Variants in SLC35A1 observed in about 807,000 individuals in gnomAD.
SLC35A1 encodes CMP-sialic acid transporter.
SLC35A1 carries 21 observed loss-of-function variants against 40.3 expected under a neutral mutation model. The ratio of observed to expected loss-of-function variants is 0.52; its 90% CI spans 0.37 to 0.75. The LOEUF (loss-of-function observed/expected upper bound fraction) is 0.75. Among genes scored for constraint, SLC35A1 ranks in the 30% least tolerant of loss-of-function variants. SLC35A1 has a pLI of 0.00. For synonymous variants in SLC35A1, 146 were observed against 147.3 expected, an observed-to-expected ratio of 0.99 and a Z score of 0.06; for missense variants, 297 against 382.1, an observed-to-expected ratio of 0.78 and a Z score of 1.86.
intron 2 of SLC35A1, among the ~76,000 whole-genome samples, chr6:87,481,544 A>G (rs1769244641): frequency 6.6e-6 from 1 of 152,200 alleles, no homozygotes; most frequent in African/African-American, 2.4e-5. Context: ...GACCAAAGAA[A>G]GCCAAACACC....
intron 2 of SLC35A1, among the ~76,000 whole-genome samples, chr6:87,489,611 G>A (rs188507440): frequency 4.2e-5 from 6 of 143,124 alleles, no homozygotes; most frequent in Admixed American, 7.5e-5. Flanking sequence ...GCGCAATCTC[G>A]GCTTACTGCA....
At chr6:87,475,676 A>T (rs1769049902) in intron 1 of SLC35A1, among the ~76,000 whole-genome samples, 1 of 152,214 alleles carries the variant, frequency 6.6e-6, no homozygotes, top group Non-Finnish European at 1.5e-5. Context: ...AGATCCAACC[A>T]TACTGTATCT....
chr6:87,489,902 A>G (rs981035282), intron 2 of SLC35A1, among the ~76,000 whole-genome samples: 23 of 151,308 alleles, frequency 1.5e-4, no homozygotes. Flanking sequence ...CAAAGACAGT[A>G]TTTAACATAT....
At chr6:87,475,658 T>C (rs1257305690) in intron 1 of SLC35A1, among the ~76,000 whole-genome samples, 1 of 152,236 alleles carries the variant, frequency 6.6e-6, no homozygotes, top group African/African-American at 2.4e-5. Flanking sequence ...AGAACCTGTT[T>C]CCTTGTAAGA....
At chr6:87,480,244 AG>A (rs1388800544) in intron 2 of SLC35A1, among the ~76,000 whole-genome samples, 1 of 152,310 alleles carries the variant, frequency 6.6e-6, no homozygotes, top group Admixed American at 6.5e-5. Flanking sequence ...GCTGACCTGC[AG>A]GGTGTTGGAC....
At chr6:87,496,779 CAA>C (rs751785939) in intron 2 of SLC35A1, among the ~76,000 whole-genome samples, 1 of 28,104 alleles carries the variant, frequency 3.6e-5, no homozygotes, top group Admixed American at 4.2e-4. Context: ...GACTCCATCT[CAA>C]AAAAAAAAAA....
intron 2 of SLC35A1, among the ~76,000 whole-genome samples, chr6:87,492,231 C>T (rs1172648783): frequency 6.6e-6 from 1 of 152,084 alleles, no homozygotes; most frequent in Non-Finnish European, 1.5e-5. Context: ...TCCAATTGCC[C>T]TCCAATGTCC....
At chr6:87,503,123 T>A (rs1769969890) in intron 4 of SLC35A1, among the ~76,000 whole-genome samples, 1 of 152,110 alleles carries the variant, frequency 6.6e-6, no homozygotes, top group African/African-American at 2.4e-5. Flanking sequence ...AGGACCAGAG[T>A]TCTGTGGCTG....
At position 87,511,348 on chromosome 6, in the gene SLC35A1, G is replaced by A. The variant is rs370556166; in HGVS notation, c.887-51G>A. 3 of 1,597,368 alleles carry A rather than the reference G, an allele frequency of 1.9e-6. No individual in the cohort carries two copies. The East Asian group carries it at 6.7e-5, about 36-fold the overall frequency. ...TTCAAAATTTTAAACTGATCATTAG[G>A]CATTTTAAAGACACACATACAGATA... On this transcript the variant is annotated intron_variant, in intron 7 of 7. Coordinates refer to ENST00000369552, the MANE Select transcript of SLC35A1 (RefSeq NM_006416.5).
Position 87,484,576 on chromosome 6 carries a change from G to A in SLC35A1, c.194+7037G>A, listed in dbSNP as rs781659698. On this transcript the variant is annotated intron_variant, in intron 2 of 7. Transcript: ENST00000369552. Reference sequence around the variant, plus strand: ...GATTGGCTAATTTAAAGAGAGTAACGGGGTGAGTGGTTTGGCAGGAAAAAT... The same window carrying A: ...GATTGGCTAATTTAAAGAGAGTAACAGGGTGAGTGGTTTGGCAGGAAAAAT... Among the ~76,000 whole-genome samples the A allele has an allele frequency of 3.9e-5, 6 of 152,136 alleles. No individual in the cohort carries two copies. The East Asian group carries it at 9.6e-4, about 24-fold the overall frequency.
chr6:87,489,622 A>C (rs1582177253), intron 2 of SLC35A1, among the ~76,000 whole-genome samples: 1 of 144,402 alleles, frequency 6.9e-6, no homozygotes, highest in African/African-American at 2.6e-5. Flanking sequence ...GCTTACTGCA[A>C]CCTCCGCCTC....
At chr6:87,482,468 T>G (rs2127965114) in intron 2 of SLC35A1, among the ~76,000 whole-genome samples, 1 of 152,364 alleles carries the variant, frequency 6.6e-6, no homozygotes, top group South Asian at 2.1e-4. Context: ...AACTTAGAAT[T>G]GGTATAGACC....
chr6:87,493,183 T>C (rs1176902678), intron 2 of SLC35A1, among the ~76,000 whole-genome samples: 2 of 152,218 alleles, frequency 1.3e-5, no homozygotes, highest in African/African-American at 4.8e-5. Flanking sequence ...TATCATTATT[T>C]TGATGCTCAA....
intron 2 of SLC35A1, among the ~76,000 whole-genome samples, chr6:87,488,254 A>G (rs1268570525): frequency 1.3e-5 from 2 of 152,202 alleles, no homozygotes; most frequent in Non-Finnish European, 2.9e-5. Context: ...GAATTGGAAG[A>G]CATTGTTAAA....
Position 87,477,500 on chromosome 6 carries a change from A to G in SLC35A1, c.155A>G (p.Glu52Gly). The G allele has an allele frequency of 6.2e-7, 1 of 1,614,110 alleles. No homozygotes were observed. Residue 52 changes from glutamate (E) to glycine (G), a missense_variant, in exon 2 of 8, where the codon GAA becomes GGA. Transcript: ENST00000369552. ...YFSTTAVCITEVIKLLLSVGI... is the reference protein window; with the variant it reads ...YFSTTAVCITGVIKLLLSVGI... ...TCAACCACAGCCGTGTGTATCACAG[A>G]AGTTATAAAGTTATTGCTAAGTGTG...
At chr6:87,501,881 G>T (rs1208761559) in intron 4 of SLC35A1, among the ~76,000 whole-genome samples, 2 of 152,208 alleles carry the variant, frequency 1.3e-5, no homozygotes, top group Admixed American at 6.5e-5. Flanking sequence ...GATTTTTAAA[G>T]AGTTAACGCT....
At chr6:87,497,667 G>C (rs1404125938) in intron 2 of SLC35A1, among the ~76,000 whole-genome samples, 4 of 152,132 alleles carry the variant, frequency 2.6e-5, no homozygotes, top group Non-Finnish European at 5.9e-5. Context: ...AAGAGAATCA[G>C]CCCTGTTTTT....
At chr6:87,494,052 A>G (rs1769640434) in intron 2 of SLC35A1, among the ~76,000 whole-genome samples, 1 of 148,958 alleles carries the variant, frequency 6.7e-6, no homozygotes, top group Admixed American at 6.8e-5. Context: ...CTTGTGTGTG[A>G]TGTACACTGT....
intron 2 of SLC35A1, among the ~76,000 whole-genome samples, chr6:87,493,105 C>T (rs1195172630): frequency 5.3e-5 from 8 of 152,094 alleles, no homozygotes; most frequent in Non-Finnish European, 1.2e-4. Flanking sequence ...CCCCCTTTCT[C>T]TCCCTCTTTG....
Sources: allele counts gnomAD v4.1 joint callset (sites outside exome capture counted in the v4.1 genomes callset), GRCh38; gene constraint gnomAD v4.1.1; transcripts MANE v1.5; gene names NCBI Gene and HGNC (gene_info 2026-07-23, HGNC 2026-07-21).